The following PRMT8 variants were observed in gnomAD, a reference collection of about 807,000 sequenced individuals.
The protein encoded by PRMT8 is protein arginine N-methyltransferase 8.
PRMT8 carries 7 observed loss-of-function variants against 47.1 expected under a neutral mutation model. The ratio of observed to expected loss-of-function variants is 0.15; its 90% CI spans 0.08 to 0.28. PRMT8 has a LOEUF of 0.28. Among genes scored for constraint, PRMT8 ranks in the 10% least tolerant of loss-of-function variants. The pLI, the probability that PRMT8 is intolerant of heterozygous loss-of-function variation, is 1.00. For synonymous variants in PRMT8, 188 were observed against 186.5 expected (o/e 1.01, Z -0.07); for missense variants, 237 against 505.4 (o/e 0.47, Z 5.09).
chr12:3,517,022 C>A (rs1297821554), intron 1 of PRMT8, among the ~76,000 whole-genome samples: 1 of 152,076 alleles, frequency 6.6e-6, no homozygotes, highest in African/African-American at 2.4e-5. Context: ...ACAACAACAG[C>A]AACAACAAAA....
intron 1 of PRMT8, among the ~76,000 whole-genome samples, chr12:3,399,092 A>G (rs1340224936): frequency 2.0e-5 from 3 of 152,188 alleles, no homozygotes; most frequent in African/African-American, 7.2e-5. Context: ...GACTTAGTCT[A>G]AGTTAACTGA....
chr12:3,384,218 G>GCATTTTA (rs1864119309), intron 1 of PRMT8, among the ~76,000 whole-genome samples: 1 of 151,274 alleles, frequency 6.6e-6, no homozygotes, highest in Non-Finnish European at 1.5e-5. Flanking sequence ...TTTTGGAGAT[G>GCATTTTA]CATTTTATCA....
At chr12:3,575,174 C>A (rs976977893) in intron 6 of PRMT8, among the ~76,000 whole-genome samples, 3 of 152,154 alleles carry the variant, frequency 2.0e-5, no homozygotes, top group South Asian at 2.1e-4. Context: ...CTTCTTTTCG[C>A]AAGAAAGAAG....
intron 1 of PRMT8, among the ~76,000 whole-genome samples, chr12:3,434,906 C>T (rs1443954703): frequency 1.3e-5 from 2 of 151,482 alleles, no homozygotes; most frequent in East Asian, 3.9e-4. Flanking sequence ...CGCCCTCACT[C>T]TCAGGCCAGA....
chr12:3,415,075 G>A (rs113374101), intron 1 of PRMT8, among the ~76,000 whole-genome samples: 3 of 152,106 alleles, frequency 2.0e-5, no homozygotes, highest in Non-Finnish European at 4.4e-5. Context: ...CTGACCCACC[G>A]GCTATACATT....
In PRMT8 at chr12:3,542,438, G is replaced by C. The variant is rs74056117; in HGVS notation, c.261+1647G>C. Among the ~76,000 whole-genome samples, 364 of 152,332 alleles carry C rather than the reference G, an allele frequency of 2.4e-3. 4 individuals carry two copies. Among genetic ancestry groups the C allele is most frequent in the African/African-American group, 6.2e-3 (259 of 41,576 alleles). On this transcript the variant is annotated intron_variant, in intron 2 of 9. Transcript: ENST00000382622. ...ATTCCTGGAGCCCCATCCTTGGCCT[G>C]TGAGAGGCTCTTGGGGGCAAAAGAG... is the stretch of plus-strand genomic sequence containing the variant.
intron 4 of PRMT8, among the ~76,000 whole-genome samples, chr12:3,559,429 G>A (rs940901530): frequency 2.6e-5 from 4 of 152,124 alleles, no homozygotes. Flanking sequence ...GTTTCACTGG[G>A]GAGAGCTGGG....
At chr12:3,390,494 C>T (rs1416241618) in intron 1 of PRMT8, among the ~76,000 whole-genome samples, 1 of 152,218 alleles carries the variant, frequency 6.6e-6, no homozygotes, top group African/African-American at 2.4e-5. Context: ...AATTGAATGA[C>T]ATTTTACTGT....
rs75174351 is a variant in PRMT8, at chr12:3,569,023, C to T, written c.624+175C>T. Among the ~76,000 whole-genome samples, 3,102 of 152,196 alleles carry T rather than the reference C, an allele frequency of 0.02. 105 individuals are homozygous for T. Among genetic ancestry groups the T allele is most frequent in the African/African-American group, 0.07 (2,901 of 41,542 alleles). On this transcript the variant is annotated intron_variant, in intron 5 of 9. Coordinates refer to ENST00000382622, the MANE Select transcript of PRMT8 (RefSeq NM_019854.5). The surrounding 1 kb of genome is among the most constrained non-coding windows in gnomAD (Gnocchi z 8.2). Reference sequence around the variant, plus strand: ...GTATCAGGGAACAGAATGGTTGCCCCGGGTCCAGCATGTGTAACCATCAGA... The same window carrying T: ...GTATCAGGGAACAGAATGGTTGCCCTGGGTCCAGCATGTGTAACCATCAGA...
chr12:3,451,073 C>T (rs1359051962), intron 1 of PRMT8, among the ~76,000 whole-genome samples: 1 of 129,462 alleles, frequency 7.7e-6, no homozygotes, highest in East Asian at 2.5e-4. Context: ...GGTTTTGGGA[C>T]CCCAGGGATG....
At chr12:3,587,997 A>G (rs1867217392) in intron 8 of PRMT8, among the ~76,000 whole-genome samples, 1 of 152,118 alleles carries the variant, frequency 6.6e-6, no homozygotes, top group Non-Finnish European at 1.5e-5. Context: ...GGGTGGGGGT[A>G]GAAGTGGGAA....
In PRMT8 at chr12:3,491,462, G is replaced by A. The variant is rs1310824607; in HGVS notation, c.-164G>A. The A allele has an allele frequency of 7.0e-6, 10 of 1,432,902 alleles. No homozygotes were observed. In the Admixed American group the frequency reaches 2.5e-4, roughly 36 times the overall value. 88.8% of individuals were successfully genotyped at this position (1,432,902 alleles called of 1,614,324 possible). A position where few individuals can be genotyped will look rare whatever the true frequency, so the allele number is the denominator to read the frequency against. On this transcript the variant is annotated 5_prime_UTR_variant, in exon 1 of 10. Coordinates refer to ENST00000382622, the MANE Select transcript of PRMT8 (RefSeq NM_019854.5). ...AGGAAAATAAAAGAAAGTGGAGACT[G>A]CAGAACAGACTCCGCTGTGGCTGAC...
chr12:3,561,012 A>G (rs1335683491), intron 4 of PRMT8, among the ~76,000 whole-genome samples: 1 of 152,164 alleles, frequency 6.6e-6, no homozygotes, highest in Non-Finnish European at 1.5e-5. Context: ...TCTTGGCCAC[A>G]CACTCCCAGC....
rs1249394514 is a variant in PRMT8 at position 3,514,716 on chromosome 12, G to T, written c.75+23016G>T. On this transcript the variant is annotated intron_variant, in intron 1 of 9. Coordinates refer to ENST00000382622, the MANE Select transcript of PRMT8 (RefSeq NM_019854.5). The surrounding 1 kb of genome is among the most constrained non-coding windows in gnomAD (Gnocchi z 5.9). ...GTGGGAGGGCAACAGGAGCACCAGTGGGAGGGTGGGGGAGGGAGGGGCATT... is the reference window on the plus strand; with the variant it reads ...GTGGGAGGGCAACAGGAGCACCAGTTGGAGGGTGGGGGAGGGAGGGGCATT... Among the ~76,000 whole-genome samples the T allele has an allele frequency of 2.0e-5, 3 of 152,134 alleles. No individual in the cohort carries two copies. The highest frequency in any genetic ancestry group is 4.4e-5 in the Non-Finnish European group (3 of 68,026).
intron 1 of PRMT8, among the ~76,000 whole-genome samples, chr12:3,527,079 A>T (rs1865958762): frequency 6.6e-6 from 1 of 152,012 alleles, no homozygotes; most frequent in South Asian, 2.1e-4. Flanking sequence ...CTTTTTCTGC[A>T]TTTTGGGGGC....
intron 3 of PRMT8, chr12:3,553,386 G>A (rs1029634236): frequency 1.8e-6 from 1 of 542,544 alleles, no homozygotes. Context: ...CCCCTTTTGA[G>A]TCTCCAGCAC....
At chr12:3,545,557 C>A (rs1866312557) in intron 2 of PRMT8, among the ~76,000 whole-genome samples, 2 of 152,168 alleles carry the variant, frequency 1.3e-5, no homozygotes, top group East Asian at 1.9e-4. Flanking sequence ...TTCTTGCCTC[C>A]TTTTCACCTT....
chr12:3,574,198 G>A (rs1866898871), intron 6 of PRMT8: 1 of 152,246 alleles, frequency 6.6e-6, no homozygotes, highest in African/African-American at 2.4e-5. Context: ...TACTATGGGT[G>A]TTGAGGGTAC....
intron 1 of PRMT8, among the ~76,000 whole-genome samples, chr12:3,454,958 C>T (rs1011608353): frequency 6.6e-6 from 1 of 152,150 alleles, no homozygotes; most frequent in Non-Finnish European, 1.5e-5. Flanking sequence ...AGCTGACGCA[C>T]CAAAGAATGC....
Sources: gnomAD v4.1 joint callset for allele counts (sites outside exome capture counted in the v4.1 genomes callset) on GRCh38, gnomAD v4.1.1 for gene constraint, Gnocchi (gnomAD v3.1) non-coding constraint, MANE v1.5 for transcripts, NCBI Gene and HGNC (gene_info 2026-07-23, HGNC 2026-07-21) for gene names.